Variants in TSPAN1 observed in about 807,000 individuals in gnomAD.
TSPAN1 encodes the protein tetraspanin 1.
In TSPAN1, 23 loss-of-function variants were observed where a neutral mutation model predicts 26.9. That is an observed-to-expected ratio of 0.85 (90% CI 0.62 to 1.21). The LOEUF (loss-of-function observed/expected upper bound fraction) is 1.21. Ranked by LOEUF, TSPAN1 falls within the 50% of genes most tolerant of loss-of-function variation. The pLI is 0.00. For synonymous variants in TSPAN1, 115 were observed against 114.8 expected (o/e 1.00, Z -0.01); for missense variants, 283 against 298.4 (o/e 0.95, Z 0.38).
downstream of TSPAN1, chr1:46,189,221 C>T (rs1344570064): frequency 8.2e-6 from 13 of 1,577,566 alleles, no homozygotes; most frequent in African/African-American, 1.4e-5. Context: ...AAGGGCTAGC[C>T]AGCCTGGGGG....
chr1:46,184,136 G>A, intron 3 of TSPAN1, 55 bp from the exon 4 acceptor site: 1 of 1,572,208 alleles, frequency 6.4e-7, no homozygotes, highest in Non-Finnish European at 8.8e-7. Context: ...CAGCTGTGTG[G>A]TAGTAAGCTA....
chr1:46,176,199 C>G (rs940940869), intron 1 of TSPAN1: 51 of 1,534,000 alleles, frequency 3.3e-5, no homozygotes, highest in Non-Finnish European at 4.4e-5. Context: ...TTTAAAACCC[C>G]ACCCTGGCTC....
chr1:46,187,477 C>A (rs1043573814), downstream of TSPAN1, among the ~76,000 whole-genome samples: 1 of 152,136 alleles, frequency 6.6e-6, no homozygotes, highest in Non-Finnish European at 1.5e-5. Context: ...CCAGGGCAGC[C>A]CAGAACCACC....
At chr1:46,193,174 C>T in the TSPAN1 span, 26 of 1,614,014 alleles carry the variant, frequency 1.6e-5, no homozygotes, top group South Asian at 7.7e-5. Context: ...TAGTACTCAC[C>T]GGAAACAGGT....
chr1:46,181,433 G>A (rs1657313768), intron 3 of TSPAN1, among the ~76,000 whole-genome samples: 1 of 152,216 alleles, frequency 6.6e-6, no homozygotes, highest in Non-Finnish European at 1.5e-5. Flanking sequence ...CTAGGCTTCA[G>A]GCAGGGCAGA....
chr1:46,175,780 G>A (rs191477176), intron 1 of TSPAN1: 21 of 404,164 alleles, frequency 5.2e-5, no homozygotes, highest in Non-Finnish European at 7.8e-5. Flanking sequence ...CTGCCATCAG[G>A]AGTCCCCCAT....
chr1:46,191,581 A>G, the TSPAN1 span: 1 of 221,998 alleles, frequency 4.5e-6, no homozygotes. Flanking sequence ...AGCACTTTAC[A>G]TATATTGACT....
At chr1:46,182,303 G>GAAAAAAAAAAAAAAAAAAAAAAAAAA (rs1557664937) in intron 3 of TSPAN1, among the ~76,000 whole-genome samples, 2 of 2,414 alleles carry the variant, frequency 8.3e-4, no homozygotes, top group Non-Finnish European at 0.01. Flanking sequence ...TTAGGGATAA[G>GAAAAAAAAAAAAAAAAAAAAAAAAAA]CAAAAAAAAA....
chr1:46,179,618 C>A (rs570888148), intron 1 of TSPAN1, among the ~76,000 whole-genome samples: 98 of 152,280 alleles, frequency 6.4e-4, no homozygotes, highest in African/African-American at 2.3e-3. Context: ...CTACATCAGG[C>A]GTGCTGGAGC....
At chr1:46,194,196 C>T in the TSPAN1 span, 3 of 1,612,044 alleles carry the variant, frequency 1.9e-6, no homozygotes, top group Non-Finnish European at 1.7e-6. Flanking sequence ...TAGGGAAAGC[C>T]CAACCTAGAT....
At position 46,185,177 on chromosome 1, in the gene TSPAN1, G is replaced by A. The variant is rs571878133; in HGVS notation, c.595-48G>A. On this transcript the variant is annotated intron_variant, in intron 7 of 8. Coordinates refer to ENST00000372003, the MANE Select transcript of TSPAN1 (RefSeq NM_005727.4). ...TGGCCTCAGAGTGGCAAACGGGGAT[G>A]GGAGTAGGGCAGCTGCCAACTATAA... is the stretch of plus-strand genomic sequence containing the variant. 125 of 1,614,140 alleles carry A rather than the reference G, an allele frequency of 7.7e-5. No homozygotes were observed. In the East Asian group the frequency reaches 2.2e-3, roughly 29 times the overall value.
the TSPAN1 span, chr1:46,191,696 G>A: frequency 1.8e-5 from 6 of 325,058 alleles, no homozygotes; most frequent in East Asian, 8.2e-5. Flanking sequence ...GTGCAGTGGC[G>A]TGATCTTGGC....
intron 1 of TSPAN1, chr1:46,176,374 C>T (rs1219005058): frequency 3.6e-5 from 56 of 1,535,644 alleles, no homozygotes; most frequent in Non-Finnish European, 4.5e-5. Flanking sequence ...CTTGAACATC[C>T]TGGGAAATCG....
intron 1 of TSPAN1, chr1:46,176,289 C>T: frequency 6.5e-7 from 1 of 1,535,786 alleles, no homozygotes; most frequent in Non-Finnish European, 8.7e-7. Flanking sequence ...TACCCATGGC[C>T]CTGGTGGCAG....
chr1:46,180,231 G>T (rs1045073687), intron 1 of TSPAN1, among the ~76,000 whole-genome samples: 1 of 152,226 alleles, frequency 6.6e-6, no homozygotes, highest in Non-Finnish European at 1.5e-5. Context: ...GAGCACAGAG[G>T]GTATGTATGA....
Position 46,184,279 on chromosome 1 carries a change from G to C in TSPAN1, c.146G>C (p.Ser49Thr). The C allele has an allele frequency of 1.2e-6, 2 of 1,614,224 alleles. No individual in the cohort carries two copies. The highest frequency in any genetic ancestry group is 1.7e-6 in the Non-Finnish European group (2 of 1,180,050). The change falls in exon 4 of 9, where the codon AGT (serine) becomes ACT (threonine). Residue 49 changes from serine (S) to threonine (T), a missense_variant. Transcript: ENST00000372003. ...FLKIFGPLSS[S>T]AMQFVNVGYF... ...AAGATCTTCGGGCCACTGTCGTCCA[G>C]TGCCATGCAGTTTGTCAACGTGGGC...
At chr1:46,184,744 CCTT>C (rs767827146) in intron 5 of TSPAN1, 38 bp from the exon 6 acceptor site, 6 of 1,613,730 alleles carry the variant, frequency 3.7e-6, no homozygotes, top group Non-Finnish European at 5.1e-6. Context: ...TGAATGGCCA[CCTT>C]CTGTACCAGC....
At chr1:46,196,125 G>C in the TSPAN1 span, 1 of 1,613,014 alleles carries the variant, frequency 6.2e-7, no homozygotes, top group East Asian at 2.2e-5. This position sits in a 1 kb window ranked among gnomAD's most constrained non-coding sequence, Gnocchi z 4.4. Flanking sequence ...TGGCATTCAA[G>C]GTGTCTCTGT....
chr1:46,186,302 G>T (rs1657425474), downstream of TSPAN1, among the ~76,000 whole-genome samples: 1 of 152,128 alleles, frequency 6.6e-6, no homozygotes, highest in Non-Finnish European at 1.5e-5. Context: ...ATGGGAAAGG[G>T]TCACTCCTTA....
Sources: gnomAD v4.1 joint callset for allele counts (sites outside exome capture counted in the v4.1 genomes callset) on GRCh38, gnomAD v4.1.1 for gene constraint, Gnocchi (gnomAD v3.1) non-coding constraint, MANE v1.5 for transcripts, NCBI Gene and HGNC (gene_info 2026-07-23, HGNC 2026-07-21) for gene names.